AUTS2: variants seen among roughly 807,000 people sequenced by gnomAD.
AUTS2 encodes autism susceptibility gene 2 protein.
In AUTS2, 17 loss-of-function variants were observed where a neutral mutation model predicts 112.4. The ratio of observed to expected loss-of-function variants is 0.15; its 90% CI spans 0.10 to 0.23. The LOEUF is 0.23. AUTS2 is among the 10% of genes least tolerant of loss of function. The probability of loss-of-function intolerance (pLI) is 1.00; values close to 1 mark genes in which losing one functional copy is unlikely to be tolerated. For missense variants in AUTS2, 1,510 were observed against 1,701.6 expected (o/e 0.89, Z 1.98); for synonymous variants, 751 against 702.7 (o/e 1.07, Z -1.09).
At chr7:69,691,880 A>G (rs977955942) in intron 1 of AUTS2, among the ~76,000 whole-genome samples, 2 of 152,094 alleles carry the variant, frequency 1.3e-5, no homozygotes, top group African/African-American at 4.8e-5. Context: ...TCTTACAGGT[A>G]GCATCTGGCA....
chr7:70,057,560 CA>C (rs1226492192), intron 2 of AUTS2, among the ~76,000 whole-genome samples: 1 of 152,072 alleles, frequency 6.6e-6, no homozygotes, highest in African/African-American at 2.4e-5. Context: ...ATTTAATCCT[CA>C]AAAAAATAAT....
intron 1 of AUTS2, among the ~76,000 whole-genome samples, chr7:69,817,577 T>G (rs963658293): frequency 6.6e-6 from 1 of 152,186 alleles, no homozygotes; most frequent in Non-Finnish European, 1.5e-5. Context: ...GGATATCATA[T>G]GTGAGTGGCT....
chr7:69,670,995 C>G (rs913628914), intron 1 of AUTS2, among the ~76,000 whole-genome samples: 3 of 152,074 alleles, frequency 2.0e-5, no homozygotes, highest in African/African-American at 7.2e-5. Context: ...CACAATCAGG[C>G]CAAAGTAAAG....
At chr7:69,670,237 G>A (rs1417548686) in intron 1 of AUTS2, among the ~76,000 whole-genome samples, 1 of 152,104 alleles carries the variant, frequency 6.6e-6, no homozygotes, top group Non-Finnish European at 1.5e-5. Flanking sequence ...CAGAGAATGG[G>A]CTGTGTGTTA....
chr7:70,523,715 C>T (rs919337055), intron 5 of AUTS2, among the ~76,000 whole-genome samples: 16 of 152,120 alleles, frequency 1.1e-4, no homozygotes, highest in African/African-American at 3.1e-4. Context: ...GGTAAGATGG[C>T]GCAAGGACAA....
chr7:70,484,398 T>C (rs980693740), intron 5 of AUTS2, among the ~76,000 whole-genome samples: 6 of 152,190 alleles, frequency 3.9e-5, no homozygotes, highest in African/African-American at 1.4e-4. Flanking sequence ...GTCAGAGTAG[T>C]ACTTGGGGAT....
At chr7:70,763,829 C>G (rs1269146473) in intron 7 of AUTS2, among the ~76,000 whole-genome samples, 1 of 151,736 alleles carries the variant, frequency 6.6e-6, no homozygotes, top group Non-Finnish European at 1.5e-5. Context: ...TTTTTTCATT[C>G]TGATTTACTT....
chr7:70,419,913 C>T (rs1387761801), intron 4 of AUTS2, among the ~76,000 whole-genome samples: 6 of 152,006 alleles, frequency 3.9e-5, no homozygotes, highest in Non-Finnish European at 7.4e-5. Flanking sequence ...TTTCCTCTTC[C>T]GTGAATTGAC....
intron 1 of AUTS2, among the ~76,000 whole-genome samples, chr7:69,703,415 T>C (rs1797911342): frequency 6.6e-6 from 1 of 152,238 alleles, no homozygotes; most frequent in South Asian, 2.1e-4. Context: ...CACTGCTTCT[T>C]CTTAAATGCC....
chr7:70,565,782 A>C (rs1011412440), intron 5 of AUTS2, among the ~76,000 whole-genome samples: 1 of 152,238 alleles, frequency 6.6e-6, no homozygotes, highest in Non-Finnish European at 1.5e-5. Flanking sequence ...AATATTAATA[A>C]TTGTATGAGA....
At chr7:70,162,815 G>A (rs180736348) in intron 4 of AUTS2, among the ~76,000 whole-genome samples, 5 of 152,202 alleles carry the variant, frequency 3.3e-5, no homozygotes, top group African/African-American at 7.2e-5. Flanking sequence ...AATAACCAGC[G>A]TTAACATTTG....
chr7:69,886,286 G>T (rs1794268043), intron 1 of AUTS2, among the ~76,000 whole-genome samples: 1 of 152,198 alleles, frequency 6.6e-6, no homozygotes, highest in African/African-American at 2.4e-5. Context: ...AGGAATGCCT[G>T]CACATCTTCA....
chr7:69,994,137 A>G (rs780632640), intron 2 of AUTS2, among the ~76,000 whole-genome samples: 3 of 152,118 alleles, frequency 2.0e-5, no homozygotes, highest in Non-Finnish European at 4.4e-5. Context: ...AGGCTGAGTC[A>G]GGAGGATCGC....
intron 4 of AUTS2, among the ~76,000 whole-genome samples, chr7:70,245,169 T>TATATATATATATA (rs1317610996): frequency 1.7e-5 from 2 of 118,628 alleles, no homozygotes; most frequent in Admixed American, 1.7e-4. Context: ...TATATATATA[T>TATATATATATATA]AAAAAATAAA....
chr7:70,753,312 A>G (rs1788983796), intron 6 of AUTS2, among the ~76,000 whole-genome samples: 1 of 152,146 alleles, frequency 6.6e-6, no homozygotes, highest in African/African-American at 2.4e-5. Context: ...GAAGGCCCTC[A>G]GAGGTTTGTG....
intron 5 of AUTS2, among the ~76,000 whole-genome samples, chr7:70,568,575 G>A (rs1048010516): frequency 2.0e-5 from 3 of 152,156 alleles, no homozygotes; most frequent in Non-Finnish European, 2.9e-5. Flanking sequence ...CTTCTCCATC[G>A]CAGTGAGGAC....
At chr7:69,932,019 T>C (rs1374308670) in intron 2 of AUTS2, among the ~76,000 whole-genome samples, 1 of 152,190 alleles carries the variant, frequency 6.6e-6, no homozygotes, top group African/African-American at 2.4e-5. Flanking sequence ...CAAACTGTGT[T>C]TTCAGAATCT....
chr7:70,378,862 A>G (rs1793237471), intron 4 of AUTS2, among the ~76,000 whole-genome samples: 1 of 152,244 alleles, frequency 6.6e-6, no homozygotes, highest in South Asian at 2.1e-4. Flanking sequence ...TGATGGACAG[A>G]TGTTAAAAGC....
intron 1 of AUTS2, among the ~76,000 whole-genome samples, chr7:69,621,874 G>A (rs1793680549): frequency 6.6e-6 from 1 of 151,966 alleles, no homozygotes; most frequent in South Asian, 2.1e-4. Context: ...AGTATGATCT[G>A]TGGGTTTATG....
Sources: allele counts gnomAD v4.1 joint callset (sites outside exome capture counted in the v4.1 genomes callset), GRCh38; gene constraint gnomAD v4.1.1; transcripts MANE v1.5; gene names NCBI Gene and HGNC (gene_info 2026-07-23, HGNC 2026-07-21).